MNAT1: variants seen among roughly 807,000 people sequenced by gnomAD.
MNAT1 encodes the protein MNAT1 component of CDK activating kinase, also known as CDK-activating kinase assembly factor MAT1.
A neutral mutation model predicts 42.0 loss-of-function variants in MNAT1; 43 were observed. That is an observed-to-expected ratio of 1.02 (90% CI 0.80 to 1.32). MNAT1 has a LOEUF of 1.32. Ranked by LOEUF, MNAT1 falls within the 40% of genes most tolerant of loss-of-function variation. The probability of loss-of-function intolerance (pLI) is 0.00; values close to 1 mark genes in which losing one functional copy is unlikely to be tolerated. For missense variants in MNAT1, 306 were observed against 350.4 expected (o/e 0.87, Z 1.01); for synonymous variants, 118 against 120.0 (o/e 0.98, Z 0.11).
intron 7 of MNAT1, among the ~76,000 whole-genome samples, chr14:60,917,958 A>T (rs1594871346): frequency 6.6e-6 from 1 of 151,860 alleles, no homozygotes; most frequent in Admixed American, 6.6e-5. Context: ...TTCCACTTGC[A>T]TTTGTATCAT....
chr14:60,736,818 A>G (rs1158366320), intron 1 of MNAT1, among the ~76,000 whole-genome samples: 1 of 152,154 alleles, frequency 6.6e-6, no homozygotes, highest in African/African-American at 2.4e-5. Flanking sequence ...TATGGAAAAT[A>G]TTTAGAGATA....
intron 1 of MNAT1, among the ~76,000 whole-genome samples, chr14:60,784,408 G>T (rs2031575987): frequency 6.6e-6 from 1 of 151,358 alleles, no homozygotes; most frequent in Non-Finnish European, 1.5e-5. Context: ...TGAACCCCTG[G>T]ACTTAAATGA....
intron 1 of MNAT1, among the ~76,000 whole-genome samples, chr14:60,775,586 A>T (rs1457239051): frequency 6.6e-6 from 1 of 152,238 alleles, no homozygotes; most frequent in Admixed American, 6.5e-5. Context: ...GGAGATAATT[A>T]TAAAAGTAAA....
chr14:60,775,664 A>G (rs1320812562), intron 1 of MNAT1, among the ~76,000 whole-genome samples: 1 of 152,196 alleles, frequency 6.6e-6, no homozygotes, highest in Non-Finnish European at 1.5e-5. Flanking sequence ...ACTTGTAGAT[A>G]ACAACAGAGA....
At chr14:60,795,130 T>C (rs1053701656) in intron 1 of MNAT1, among the ~76,000 whole-genome samples, 3 of 152,188 alleles carry the variant, frequency 2.0e-5, no homozygotes, top group African/African-American at 7.2e-5. Context: ...GGACTACAAA[T>C]GTTTAAATAT....
intron 7 of MNAT1, among the ~76,000 whole-genome samples, chr14:60,917,186 T>A (rs1594870450): frequency 6.6e-6 from 1 of 152,196 alleles, no homozygotes; most frequent in Non-Finnish European, 1.5e-5. Flanking sequence ...AAATTATGTA[T>A]GAGCAGAGGT....
chr14:60,799,121 T>C (rs1409774569), intron 3 of MNAT1: 5 of 403,318 alleles, frequency 1.2e-5, no homozygotes, highest in African/African-American at 6.5e-5. Flanking sequence ...TTTTCTCATA[T>C]GTCTAAGTTC....
intron 1 of MNAT1, among the ~76,000 whole-genome samples, chr14:60,788,898 T>C (rs1349687023): frequency 6.6e-6 from 1 of 152,210 alleles, no homozygotes; most frequent in Non-Finnish European, 1.5e-5. Flanking sequence ...TCTGTATAAA[T>C]GATAAGACTG....
chr14:60,925,474 T>C (rs2035747659), intron 7 of MNAT1, among the ~76,000 whole-genome samples: 1 of 152,136 alleles, frequency 6.6e-6, no homozygotes, highest in Non-Finnish European at 1.5e-5. Flanking sequence ...GTACAGGATG[T>C]CTAGTTATAC....
Position 60,919,867 on chromosome 14 carries a change from C to T in MNAT1, c.809+40032C>T, listed in dbSNP as rs551372338. 2.8e-4 allele frequency: 46 copies of T among 161,788 alleles called. No homozygotes were observed. The East Asian group carries it at 6.5e-3, about 23-fold the overall frequency. 10.0% of individuals were successfully genotyped at this position (161,788 alleles called of 1,614,324 possible). ...CCTTGTTCCTGTCCTCAATAATCAC[C>T]GCCATTTGTAGGTTGGGGTGGCTGC... On this transcript the variant is annotated intron_variant, in intron 7 of 7. Transcript: ENST00000261245.
intron 7 of MNAT1, among the ~76,000 whole-genome samples, chr14:60,900,043 T>C (rs2139503629): frequency 8.1e-6 from 1 of 123,212 alleles, no homozygotes; most frequent in South Asian, 2.9e-4. Context: ...ACTGGCTGTT[T>C]CCCCATCTCT....
chr14:60,892,229 CTA>C (rs1253607730), intron 7 of MNAT1, among the ~76,000 whole-genome samples: 1 of 151,928 alleles, frequency 6.6e-6, no homozygotes, highest in Non-Finnish European at 1.5e-5. Flanking sequence ...GTTTTTCTAT[CTA>C]TTATTGAGAG....
At chr14:60,890,132 C>T (rs1311337741) in intron 7 of MNAT1, among the ~76,000 whole-genome samples, 1 of 152,298 alleles carries the variant, frequency 6.6e-6, no homozygotes, top group East Asian at 1.9e-4. Context: ...AATCATGCTG[C>T]TATAAAGACA....
At chr14:60,824,954 C>T (rs1340534865) in intron 6 of MNAT1, among the ~76,000 whole-genome samples, 1 of 150,748 alleles carries the variant, frequency 6.6e-6, no homozygotes, top group Non-Finnish European at 1.5e-5. Context: ...CTTACCCCCA[C>T]CCCATTGGAT....
intron 3 of MNAT1, among the ~76,000 whole-genome samples, chr14:60,806,809 A>C (rs1347350281): frequency 1.3e-5 from 2 of 152,240 alleles, no homozygotes; most frequent in East Asian, 3.9e-4. Flanking sequence ...AGGATGGCCT[A>C]TTAAATACAA....
At chr14:60,848,086 C>A (rs866670783) in intron 6 of MNAT1, among the ~76,000 whole-genome samples, 3 of 152,150 alleles carry the variant, frequency 2.0e-5, no homozygotes. Flanking sequence ...TTTTAGCCTG[C>A]AGGACATCTT....
intron 7 of MNAT1, among the ~76,000 whole-genome samples, chr14:60,938,735 T>C (rs1031221187): frequency 6.6e-6 from 1 of 152,242 alleles, no homozygotes; most frequent in African/African-American, 2.4e-5. Flanking sequence ...ATCAGGATGA[T>C]GCTGGCCTCA....
At position 60,968,547 on chromosome 14, in the gene MNAT1, T is replaced by A. The variant is rs1281998927; in HGVS notation, c.*198T>A. On this transcript the variant is annotated 3_prime_UTR_variant, in exon 8 of 8. Coordinates refer to ENST00000261245, the MANE Select transcript of MNAT1 (RefSeq NM_002431.4). ...ATATTTGTGAAAAATAATTTTTACT[T>A]ATATTTTTCAGAGGATTTGACACGA... The A allele has an allele frequency of 1.4e-6, 2 of 1,387,992 alleles. No homozygotes were observed. Among genetic ancestry groups the A allele is most frequent in the South Asian group, 2.5e-5 (2 of 79,492 alleles). 86.0% of individuals were successfully genotyped at this position (1,387,992 alleles called of 1,614,324 possible).
intron 7 of MNAT1, among the ~76,000 whole-genome samples, chr14:60,951,730 C>T (rs1367920118): frequency 1.3e-5 from 2 of 151,784 alleles, no homozygotes; most frequent in East Asian, 3.9e-4. Flanking sequence ...TTGGTCATGT[C>T]TTCTGACTCT....
Sources: gnomAD v4.1 joint callset for allele counts (sites outside exome capture counted in the v4.1 genomes callset) on GRCh38, gnomAD v4.1.1 for gene constraint, MANE v1.5 for transcripts, NCBI Gene and HGNC (gene_info 2026-07-23, HGNC 2026-07-21) for gene names.